The following RBM18 variants were observed in gnomAD, a reference collection of about 807,000 sequenced individuals.
The protein encoded by RBM18 is RNA binding motif protein 18, also known as probable RNA-binding protein 18.
A neutral mutation model predicts 26.4 loss-of-function variants in RBM18; 18 were observed. That is an observed-to-expected ratio of 0.68 (90% confidence interval 0.47 to 1.01). The LOEUF (loss-of-function observed/expected upper bound fraction) is 1.01. RBM18 is among the 50% of genes least tolerant of loss of function. The probability of loss-of-function intolerance (pLI) is 0.00; values close to 1 mark genes in which losing one functional copy is unlikely to be tolerated. For synonymous variants in RBM18, 74 were observed against 81.1 expected, an observed-to-expected ratio of 0.91 and a Z score of 0.47; for missense variants, 180 against 219.2, an observed-to-expected ratio of 0.82 and a Z score of 1.13.
At chr9:122,247,445 G>A in intron 4 of RBM18, 73 bp downstream of exon 4, 1 of 1,270,910 alleles carries the variant, frequency 7.9e-7, no homozygotes, top group Non-Finnish European at 1.1e-6. Flanking sequence ...ACATAAACGG[G>A]TAAGTGGACA....
At chr9:122,263,991 C>A (rs1319343079) in intron 1 of RBM18, among the ~76,000 whole-genome samples, 2 of 152,156 alleles carry the variant, frequency 1.3e-5, no homozygotes, top group African/African-American at 4.8e-5. Flanking sequence ...CATCTTTTTC[C>A]TCCTACTAAA....
chr9:122,244,577 A>G (rs1475369146), intron 5 of RBM18, among the ~76,000 whole-genome samples: 1 of 152,252 alleles, frequency 6.6e-6, no homozygotes, highest in Non-Finnish European at 1.5e-5. Flanking sequence ...CACTGCAAAT[A>G]AAGTGTTTAG....
chr9:122,254,451 G>T (rs1385428052), intron 2 of RBM18: 6 of 203,490 alleles, frequency 2.9e-5, no homozygotes, highest in Non-Finnish European at 5.2e-5. Context: ...AAGCCTGAAG[G>T]ATCTTGCTTT....
chr9:122,264,059 G>A (rs1464460160), intron 1 of RBM18, among the ~76,000 whole-genome samples: 1 of 152,160 alleles, frequency 6.6e-6, no homozygotes, highest in Non-Finnish European at 1.5e-5. Context: ...TAGAACGTAA[G>A]CTCCCACAGC....
intron 2 of RBM18, among the ~76,000 whole-genome samples, chr9:122,257,186 C>T (rs909594392): frequency 4.6e-5 from 7 of 152,198 alleles, no homozygotes; most frequent in African/African-American, 1.4e-4. Flanking sequence ...TGCCATTCTC[C>T]TGCCTCAGCC....
In RBM18 at chr9:122,242,059, C is replaced by A; in HGVS notation, c.414-16G>T. ...TGCAGTGACACTGGAAAAATAATAG[C>A]AGAGGATCAGAGTGGGCCTAGGTAT... is the stretch of plus-strand genomic sequence containing the variant. On this transcript the variant is annotated splice_polypyrimidine_tract_variant and intron_variant, in intron 5 of 5. Transcript: ENST00000417201. 6.2e-7 allele frequency: 1 copy of A among 1,613,394 alleles called. No individual in the cohort carries two copies. Among genetic ancestry groups the A allele is most frequent in the Non-Finnish European group, 8.5e-7 (1 of 1,179,646 alleles).
At chr9:122,250,978 T>C (rs1244828811) in intron 3 of RBM18, among the ~76,000 whole-genome samples, 2 of 151,780 alleles carry the variant, frequency 1.3e-5, no homozygotes, top group African/African-American at 2.4e-5. Flanking sequence ...GGATGGAGTA[T>C]AGTGGTGTGA....
chr9:122,246,853 C>A (rs570820009), intron 4 of RBM18, among the ~76,000 whole-genome samples: 1 of 152,064 alleles, frequency 6.6e-6, no homozygotes, highest in African/African-American at 2.4e-5. Flanking sequence ...CTCTTGGGAA[C>A]GCTCCAGTCA....
At chr9:122,254,599 T>C (rs1379280427) in intron 2 of RBM18, among the ~76,000 whole-genome samples, 2 of 152,232 alleles carry the variant, frequency 1.3e-5, no homozygotes, top group Non-Finnish European at 2.9e-5. Flanking sequence ...CACACACATA[T>C]CTGCAACTTA....
chr9:122,241,768 G>T lies in RBM18; in HGVS notation c.*116C>A. 1 of 831,778 alleles carries T rather than the reference G, an allele frequency of 1.2e-6. No homozygotes were observed. The highest frequency in any genetic ancestry group is 1.9e-6 in the Non-Finnish European group (1 of 526,598). The allele number at this position is 831,778 out of a possible 1,614,324, so 51.5% of individuals were successfully genotyped here. A position where few individuals can be genotyped will look rare whatever the true frequency, so the allele number is the denominator to read the frequency against. ...ATCCAAAAACATTATGTTACCAAAT[G>T]CTAACATGTGATTGTGCTCCGTTGA... On this transcript the variant is annotated 3_prime_UTR_variant, in exon 6 of 6. Coordinates refer to ENST00000417201, the MANE Select transcript of RBM18 (RefSeq NM_033117.4).
At chr9:122,260,752 T>C (rs1831780000) in intron 2 of RBM18, among the ~76,000 whole-genome samples, 1 of 152,210 alleles carries the variant, frequency 6.6e-6, no homozygotes, top group African/African-American at 2.4e-5. Context: ...CCATCTCTTC[T>C]CCCTTTTAGT....
Position 122,239,802 on chromosome 9 carries a change from T to G in RBM18, c.*2082A>C, listed in dbSNP as rs770235316. ...CAATGGAAACAGCTGGTCTCTATTC[T>G]CATCTCTAACAACAGAGGTAGGCAG... On this transcript the variant is annotated 3_prime_UTR_variant, in exon 6 of 6. Transcript: ENST00000417201. The G allele has an allele frequency of 5.9e-5, 9 of 152,252 alleles. No homozygotes were observed. Among genetic ancestry groups the G allele is most frequent in the Non-Finnish European group, 1.3e-4 (9 of 68,042 alleles). The allele number at this position is 152,252 out of a possible 1,614,324, so 9.4% of individuals were successfully genotyped here.
At chr9:122,254,946 GT>G (rs1471309756) in intron 2 of RBM18, among the ~76,000 whole-genome samples, 10 of 152,204 alleles carry the variant, frequency 6.6e-5, no homozygotes, top group Non-Finnish European at 1.5e-4. Flanking sequence ...TTGTGTCAGT[GT>G]GAGTGAGTAC....
intron 5 of RBM18, among the ~76,000 whole-genome samples, chr9:122,244,677 A>G (rs1394925913): frequency 7.3e-6 from 1 of 136,850 alleles, no homozygotes; most frequent in East Asian, 2.0e-4. Flanking sequence ...AGGCAAAACA[A>G]AACAAAACAA....
intron 2 of RBM18, among the ~76,000 whole-genome samples, chr9:122,253,990 T>C (rs1424761738): frequency 6.8e-6 from 1 of 147,436 alleles, no homozygotes; most frequent in Non-Finnish European, 1.5e-5. Flanking sequence ...ATCGCACCAC[T>C]GCACTCCAGC....
rs1161969091 is a variant in RBM18, at chr9:122,241,372, CTT to C, written c.*510_*511del. On this transcript the variant is annotated 3_prime_UTR_variant, in exon 6 of 6. Transcript: ENST00000417201. ...AGCTCCTTTTTGCCAAGAACTTTCT[CTT>C]TTTCAGTCCAGTTGGAGGGATTGCC... 2 of 152,636 alleles carry C rather than the reference CTT, an allele frequency of 1.3e-5. No homozygotes were observed. Among genetic ancestry groups the C allele is most frequent in the African/African-American group, 4.8e-5 (2 of 41,456 alleles). 9.5% of individuals were successfully genotyped at this position (152,636 alleles called of 1,614,324 possible).
intron 5 of RBM18, chr9:122,243,738 T>C (rs1831461247): frequency 1.0e-6 from 1 of 985,382 alleles, no homozygotes; most frequent in Non-Finnish European, 1.2e-6. Context: ...AACACTGATA[T>C]ATTACCGAGA....
intron 2 of RBM18, among the ~76,000 whole-genome samples, chr9:122,260,013 A>G (rs10985579): frequency 0.33 from 50,071 of 152,082 alleles, 9,464 homozygotes; most frequent in Middle Eastern, 0.47. Flanking sequence ...CTTTAACACT[A>G]TTCTAAAGGG....
chr9:122,254,709 T>C (rs1333871732), intron 2 of RBM18, among the ~76,000 whole-genome samples: 1 of 152,240 alleles, frequency 6.6e-6, no homozygotes, highest in Admixed American at 6.5e-5. Context: ...CTACAATGTG[T>C]CTAGAGCCAA....
Sources: allele counts gnomAD v4.1 joint callset (sites outside exome capture counted in the v4.1 genomes callset), GRCh38; gene constraint gnomAD v4.1.1; transcripts MANE v1.5; gene names NCBI Gene and HGNC (gene_info 2026-07-23, HGNC 2026-07-21).